Variants in ERBB4 observed in about 807,000 individuals in gnomAD.
The protein encoded by ERBB4 is erb-b2 receptor tyrosine kinase 4.
In ERBB4, 42 loss-of-function variants were observed where a neutral mutation model predicts 158.0. The observed-to-expected ratio is 0.27, with a 90% CI of 0.21 to 0.34. The LOEUF (loss-of-function observed/expected upper bound fraction) is 0.34. Among genes scored for constraint, ERBB4 ranks in the 10% least tolerant of loss-of-function variants. The pLI, the probability that ERBB4 is intolerant of heterozygous loss-of-function variation, is 1.00. For missense variants in ERBB4, 1,333 were observed against 1,624.1 expected (o/e 0.82, Z 3.08); for synonymous variants, 583 against 558.7 (o/e 1.04, Z -0.61).
At chr2:211,750,974 A>G (rs973002944) in intron 4 of ERBB4, among the ~76,000 whole-genome samples, 12 of 152,214 alleles carry the variant, frequency 7.9e-5, no homozygotes, top group South Asian at 4.1e-4. Flanking sequence ...TTCTCAGGAA[A>G]TCAAAAGCAA....
chr2:212,534,775 A>T (rs186002055), intron 1 of ERBB4, among the ~76,000 whole-genome samples: 9 of 152,342 alleles, frequency 5.9e-5, no homozygotes, highest in Admixed American at 5.9e-4. Context: ...TTAAAAACCA[A>T]AGGGATGAAA....
intron 3 of ERBB4, among the ~76,000 whole-genome samples, chr2:211,848,317 A>G (rs1387285927): frequency 6.6e-6 from 1 of 152,104 alleles, no homozygotes; most frequent in Non-Finnish European, 1.5e-5. Context: ...AGAAAGAAAT[A>G]AAAACAAAAC....
At chr2:211,494,838 A>C (rs2065430109) in intron 20 of ERBB4, among the ~76,000 whole-genome samples, 1 of 152,132 alleles carries the variant, frequency 6.6e-6, no homozygotes, top group Non-Finnish European at 1.5e-5. Flanking sequence ...ACCAGGATTC[A>C]CTGTGCACCT....
intron 19 of ERBB4, among the ~76,000 whole-genome samples, chr2:211,618,146 A>AG (rs1285659290): frequency 6.6e-6 from 1 of 152,012 alleles, no homozygotes; most frequent in African/African-American, 2.4e-5. Context: ...ATAAATGTCA[A>AG]GGGGTAATTA....
At chr2:212,472,115 ATAAAT>A (rs1210418588) in intron 1 of ERBB4, among the ~76,000 whole-genome samples, 2 of 151,962 alleles carry the variant, frequency 1.3e-5, no homozygotes, top group African/African-American at 2.4e-5. Context: ...TATGTTCAAC[ATAAAT>A]TAATAGTGTT....
At chr2:212,284,364 C>T (rs542916309) in intron 1 of ERBB4, among the ~76,000 whole-genome samples, 8 of 152,180 alleles carry the variant, frequency 5.3e-5, no homozygotes, top group African/African-American at 1.7e-4. Context: ...TGCCCTGTTT[C>T]CACAAACATT....
rs562346395 is a variant in ERBB4 at position 211,562,149 on chromosome 2, T to C, written c.2302-61A>G. 35 of 1,446,300 alleles carry C rather than the reference T, an allele frequency of 2.4e-5. No individual in the cohort carries two copies. The East Asian group carries it at 4.8e-4, about 20-fold the overall frequency. 89.6% of individuals were successfully genotyped at this position (1,446,300 alleles called of 1,614,324 possible). ...CAAATTTTCTTAGATTTAGAGTTAC[T>C]TGGATTGTACTAATGGTGCTGATGA... On this transcript the variant is annotated intron_variant, in intron 19 of 27. Coordinates refer to ENST00000342788, the MANE Select transcript of ERBB4 (RefSeq NM_005235.3).
At chr2:211,502,227 A>G (rs949034751) in intron 20 of ERBB4, among the ~76,000 whole-genome samples, 3 of 152,160 alleles carry the variant, frequency 2.0e-5, no homozygotes, top group Admixed American at 1.3e-4. Context: ...GAGAGTTTGC[A>G]TGTGCTCATA....
intron 20 of ERBB4, among the ~76,000 whole-genome samples, chr2:211,554,592 G>C (rs945108671): frequency 1.3e-5 from 2 of 152,216 alleles, no homozygotes; most frequent in Non-Finnish European, 2.9e-5. Flanking sequence ...CACAGGTACT[G>C]TCTGCCTGTT....
At chr2:211,979,415 G>A (rs1315695054) in intron 2 of ERBB4, among the ~76,000 whole-genome samples, 2 of 152,162 alleles carry the variant, frequency 1.3e-5, no homozygotes, top group South Asian at 2.1e-4. Context: ...ATAATATAAG[G>A]TTAACAGCTT....
At chr2:211,889,133 A>G (rs2078892752) in intron 3 of ERBB4, among the ~76,000 whole-genome samples, 1 of 143,604 alleles carries the variant, frequency 7.0e-6, no homozygotes, top group Non-Finnish European at 1.5e-5. Flanking sequence ...TAACCTCTGC[A>G]GACTTAAGTG....
chr2:211,455,110 A>C (rs2064347511), intron 20 of ERBB4, among the ~76,000 whole-genome samples: 1 of 152,210 alleles, frequency 6.6e-6, no homozygotes, highest in African/African-American at 2.4e-5. Context: ...TGTCCCCAAT[A>C]AAATTCATTA....
chr2:212,150,866 T>C (rs1202655388), intron 1 of ERBB4, among the ~76,000 whole-genome samples: 1 of 152,170 alleles, frequency 6.6e-6, no homozygotes, highest in Non-Finnish European at 1.5e-5. Flanking sequence ...GGCACTAAAC[T>C]CTGTTCATGC....
intron 1 of ERBB4, among the ~76,000 whole-genome samples, chr2:212,244,680 C>G (rs112529381): frequency 1.3e-5 from 2 of 152,124 alleles, no homozygotes; most frequent in Non-Finnish European, 2.9e-5. Flanking sequence ...TGCCATTCCT[C>G]TCACCTTGCA....
At chr2:212,368,575 A>G (rs181423121) in intron 1 of ERBB4, among the ~76,000 whole-genome samples, 17 of 151,240 alleles carry the variant, frequency 1.1e-4, no homozygotes, top group South Asian at 6.3e-4. Context: ...TAACTTATGG[A>G]AAAAAAAAGA....
intron 1 of ERBB4, among the ~76,000 whole-genome samples, chr2:212,317,574 AC>A (rs1476837170): frequency 6.6e-6 from 1 of 151,594 alleles, no homozygotes; most frequent in Non-Finnish European, 1.5e-5. Flanking sequence ...TTTGTATTAT[AC>A]TATATAGCCA....
At chr2:211,808,990 T>G (rs1575176888) in intron 3 of ERBB4, among the ~76,000 whole-genome samples, 1 of 152,362 alleles carries the variant, frequency 6.6e-6, no homozygotes, top group East Asian at 1.9e-4. Context: ...ATCCTGAGAC[T>G]TTGCTGAAGT....
At chr2:211,528,620 T>C (rs1435102495) in intron 20 of ERBB4, among the ~76,000 whole-genome samples, 2 of 151,972 alleles carry the variant, frequency 1.3e-5, no homozygotes, top group Admixed American at 1.3e-4. Context: ...ACAAAACAAG[T>C]CTTAAAATAC....
intron 4 of ERBB4, chr2:211,778,608 T>C (rs980270628): frequency 1.3e-5 from 2 of 152,190 alleles, no homozygotes; most frequent in African/African-American, 4.8e-5. Flanking sequence ...TACTTGCGTC[T>C]TCAATAGTGG....
Sources: allele counts gnomAD v4.1 joint callset (sites outside exome capture counted in the v4.1 genomes callset), GRCh38; gene constraint gnomAD v4.1.1; transcripts MANE v1.5; gene names NCBI Gene and HGNC (gene_info 2026-07-23, HGNC 2026-07-21).